OTOG: variants seen among roughly 807,000 people sequenced by gnomAD.
OTOG encodes the protein otogelin.
In OTOG, 296 loss-of-function variants were observed where a neutral mutation model predicts 313.8. The ratio of observed to expected loss-of-function variants is 0.94; its 90% confidence interval spans 0.86 to 1.04. The LOEUF is 1.04. Among genes scored for constraint, OTOG ranks in the 50% least tolerant of loss-of-function variants. OTOG has a pLI of 0.00. For synonymous variants in OTOG, 1,533 were observed against 1,554.9 expected, an observed-to-expected ratio of 0.99 and a Z score of 0.33; for missense variants, 3,948 against 3,840.1, an observed-to-expected ratio of 1.03 and a Z score of -0.74.
chr11:17,603,317 C>T (rs774311263), intron 32 of OTOG, among the ~76,000 whole-genome samples: 2 of 152,200 alleles, frequency 1.3e-5, no homozygotes, highest in Non-Finnish European at 2.9e-5. Flanking sequence ...TCCCCAGATC[C>T]ATGCATTCCT....
chr11:17,609,631 G>C, intron 35 of OTOG, 24 bp from the exon 36 acceptor site: 1 of 1,467,176 alleles, frequency 6.8e-7, no homozygotes, highest in Non-Finnish European at 9.1e-7. Context: ...CCCGCCTTCT[G>C]AACCTCTTCT....
intron 30 of OTOG, among the ~76,000 whole-genome samples, chr11:17,599,050 A>T (rs1853180201): frequency 6.6e-6 from 1 of 152,198 alleles, no homozygotes; most frequent in Non-Finnish European, 1.5e-5. Context: ...GGTCTCCTGC[A>T]AGGTCCCAGG....
intron 21 of OTOG, 26 bp downstream of exon 21, chr11:17,576,656 T>C (rs1260561820): frequency 2.0e-6 from 3 of 1,531,314 alleles, no homozygotes; most frequent in Non-Finnish European, 2.7e-6. Context: ...AGCAGCCTTC[T>C]TGTCCTCTCT....
chr11:17,625,573 T>C (rs1417271860), intron 39 of OTOG, among the ~76,000 whole-genome samples: 3 of 152,214 alleles, frequency 2.0e-5, no homozygotes, highest in African/African-American at 7.2e-5. Flanking sequence ...TTATTGAGGA[T>C]TTTTGCATCA....
chr11:17,607,215 G>A (rs1419552660), intron 33 of OTOG, among the ~76,000 whole-genome samples: 2 of 152,260 alleles, frequency 1.3e-5, no homozygotes, highest in Non-Finnish European at 2.9e-5. Flanking sequence ...TTTTGGAAAA[G>A]CAGGTTTCTT....
intron 52 of OTOG, 24 bp downstream of exon 52, chr11:17,641,975 C>T (rs1341116690): frequency 6.5e-7 from 1 of 1,546,270 alleles, no homozygotes. Flanking sequence ...TCGCTGCCCA[C>T]TTAGGAGGGT....
chr11:17,641,795 G>C, intron 51 of OTOG, 52 bp from the exon 52 acceptor site: 1 of 1,338,448 alleles, frequency 7.5e-7, no homozygotes, highest in Non-Finnish European at 1.0e-6. Flanking sequence ...CAGTGGGAGA[G>C]CCAGGGTGGA....
intron 18 of OTOG, among the ~76,000 whole-genome samples, chr11:17,572,459 C>T (rs991769891): frequency 1.3e-5 from 2 of 152,210 alleles, no homozygotes; most frequent in Non-Finnish European, 2.9e-5. Context: ...AAGCGGAAGT[C>T]GGCCCCATGG....
At chr11:17,548,439 T>C (rs1336728572) in intron 3 of OTOG, among the ~76,000 whole-genome samples, 1 of 52,756 alleles carries the variant, frequency 1.9e-5, no homozygotes, top group East Asian at 1.1e-3. Flanking sequence ...TTTTTTTTTT[T>C]TTTTTTTTTT....
intron 49 of OTOG, 73 bp from the exon 50 acceptor site, chr11:17,640,672 C>A: frequency 6.8e-7 from 1 of 1,461,374 alleles, no homozygotes; most frequent in Non-Finnish European, 9.2e-7. Flanking sequence ...AGAGAGGGGC[C>A]CAGGTGGCAG....
chr11:17,633,595 C>T (rs1854185297), intron 42 of OTOG, 85 bp from the exon 43 acceptor site: 2 of 1,304,544 alleles, frequency 1.5e-6, no homozygotes, highest in African/African-American at 1.5e-5. Flanking sequence ...GAGCCCTCTC[C>T]TCATCCCCTC....
chr11:17,568,126 C>T (rs7131109), intron 15 of OTOG, among the ~76,000 whole-genome samples: 1 of 151,670 alleles, frequency 6.6e-6, no homozygotes, highest in Non-Finnish European at 1.5e-5. Flanking sequence ...CCAGGATGGT[C>T]TCGATCTCCT....
intron 7 of OTOG, 92 bp downstream of exon 7, chr11:17,555,989 A>G: frequency 9.7e-7 from 1 of 1,033,858 alleles, no homozygotes; most frequent in Non-Finnish European, 1.4e-6. Context: ...GCCCAAAGGA[A>G]ATTGTTTTCT....
chr11:17,638,194 T>A (rs1854308573), intron 47 of OTOG, among the ~76,000 whole-genome samples: 1 of 152,216 alleles, frequency 6.6e-6, no homozygotes. Flanking sequence ...TGACTGCAGA[T>A]TGAGGAGGCC....
intron 44 of OTOG, 62 bp downstream of exon 44, chr11:17,634,343 T>C: frequency 2.0e-6 from 3 of 1,488,710 alleles, no homozygotes; most frequent in Non-Finnish European, 2.7e-6. Context: ...GTTCCAGCCC[T>C]GCACACCAAC....
intron 23 of OTOG, among the ~76,000 whole-genome samples, chr11:17,585,022 T>G (rs1852760250): frequency 6.6e-6 from 1 of 152,244 alleles, no homozygotes; most frequent in Non-Finnish European, 1.5e-5. Flanking sequence ...TGTCTGGTTT[T>G]GGTATCAGAT....
intron 45 of OTOG, 28 bp from the exon 46 acceptor site, chr11:17,635,052 C>A: frequency 6.5e-7 from 1 of 1,540,808 alleles, no homozygotes; most frequent in Non-Finnish European, 8.8e-7. Flanking sequence ...GTTCCTCTCC[C>A]AGCACCTAAA....
At chr11:17,643,418 G>C in intron 53 of OTOG, 43 bp from the exon 54 acceptor site, 1 of 1,355,344 alleles carries the variant, frequency 7.4e-7, no homozygotes, top group Non-Finnish European at 9.7e-7. Flanking sequence ...GCCTGGACAG[G>C]GGTCTCCACA....
chr11:17,605,795 G>A, intron 32 of OTOG, 62 bp from the exon 33 acceptor site: 1 of 1,470,908 alleles, frequency 6.8e-7, no homozygotes, highest in South Asian at 1.4e-5. Flanking sequence ...GTGCCAGGAT[G>A]CTGTTCCCGC....
Sources: gnomAD v4.1 joint callset for allele counts (sites outside exome capture counted in the v4.1 genomes callset) on GRCh38, gnomAD v4.1.1 for gene constraint, MANE v1.5 for transcripts, NCBI Gene and HGNC (gene_info 2026-07-23, HGNC 2026-07-21) for gene names.